The following NXN variants were observed in gnomAD, a reference collection of about 807,000 sequenced individuals.
NXN encodes nucleoredoxin 1.
NXN carries 16 observed loss-of-function variants against 48.6 expected under a neutral mutation model. The ratio of observed to expected loss-of-function variants is 0.33; its 90% CI spans 0.22 to 0.50. The LOEUF is 0.50. NXN is among the 20% of genes least tolerant of loss of function. NXN has a pLI of 0.98. For missense variants in NXN, 492 were observed against 605.5 expected (o/e 0.81, Z 1.97); for synonymous variants, 281 against 269.6 (o/e 1.04, Z -0.41).
chr17:969,145 C>G (rs1194087922), intron 1 of NXN, among the ~76,000 whole-genome samples: 1 of 152,136 alleles, frequency 6.6e-6, no homozygotes, highest in African/African-American at 2.4e-5. Context: ...ACCGAAGCGC[C>G]TGGTAAACAT....
At chr17:854,915 C>T (rs1180728952) in intron 1 of NXN, among the ~76,000 whole-genome samples, 2 of 151,736 alleles carry the variant, frequency 1.3e-5, no homozygotes, top group African/African-American at 4.8e-5. Flanking sequence ...GCCAAGATCA[C>T]ACTACTGCAC....
chr17:910,312 T>C (rs2068623427), intron 1 of NXN, among the ~76,000 whole-genome samples: 1 of 151,560 alleles, frequency 6.6e-6, no homozygotes, highest in South Asian at 2.1e-4. Context: ...CTCAGAAGGC[T>C]GAGGGAGGAG....
chr17:917,161 CTT>C lies in NXN; in HGVS notation c.360+62156_360+62157del, dbSNP rs397961779. 6.9e-6 allele frequency among the ~76,000 whole-genome samples: 1 copy of C among 145,288 alleles called. No individual in the cohort carries two copies. The highest frequency in any genetic ancestry group is 1.5e-5 in the Non-Finnish European group (1 of 65,772). ...AGGTGTTCCACGCCTGAGCTCACATCTTTTTTTTTTTTTTCTGTAGCCCAGGC... is the reference window on the plus strand; with the variant it reads ...AGGTGTTCCACGCCTGAGCTCACATCTTTTTTTTTTTTCTGTAGCCCAGGC... On this transcript the variant is annotated intron_variant, in intron 1 of 7. Transcript: ENST00000336868. This position sits in a 1 kb window ranked among gnomAD's most constrained non-coding sequence, Gnocchi z 4.5.
intron 1 of NXN, among the ~76,000 whole-genome samples, chr17:871,399 CTT>C (rs11345310): frequency 0.073 from 7,379 of 101,120 alleles, 149 homozygotes; most frequent in South Asian, 0.19. Context: ...TACGCATTCA[CTT>C]TTTTTTTTTT....
chr17:853,885 C>T (rs919778533), intron 1 of NXN, among the ~76,000 whole-genome samples: 1 of 151,672 alleles, frequency 6.6e-6, no homozygotes, highest in African/African-American at 2.4e-5. Flanking sequence ...CACCACACGG[C>T]TAAGTTTTGC....
At chr17:885,229 C>T (rs1386364912) in intron 1 of NXN, among the ~76,000 whole-genome samples, 2 of 152,202 alleles carry the variant, frequency 1.3e-5, no homozygotes, top group South Asian at 2.1e-4. Flanking sequence ...TTTGGGAGGC[C>T]GAGACGGGCG....
At chr17:974,316 A>C (rs549938052) in intron 1 of NXN, among the ~76,000 whole-genome samples, 2 of 151,956 alleles carry the variant, frequency 1.3e-5, no homozygotes, top group East Asian at 3.9e-4. Flanking sequence ...GCACCACTGC[A>C]CTCCAGCCTG....
chr17:966,662 T>C (rs2069308256), intron 1 of NXN, among the ~76,000 whole-genome samples: 1 of 151,978 alleles, frequency 6.6e-6, no homozygotes. Context: ...TCGCATATTT[T>C]ATGTGTGGCC....
At chr17:823,851 T>G (rs1912950232) in intron 2 of NXN, 86 bp from the exon 3 acceptor site, 6 of 1,432,060 alleles carry the variant, frequency 4.2e-6, no homozygotes, top group South Asian at 2.5e-5. Flanking sequence ...GTTAAGACTC[T>G]TCTTGATGAC....
chr17:946,228 C>CG (rs199586066), intron 1 of NXN, among the ~76,000 whole-genome samples: 761 of 41,116 alleles, frequency 0.019, 17 homozygotes, highest in Middle Eastern at 0.05. Context: ...CTCCGCCTCC[C>CG]GGGGATCCCT....
intron 1 of NXN, among the ~76,000 whole-genome samples, chr17:829,106 G>C (rs953772906): frequency 6.6e-6 from 1 of 151,240 alleles, no homozygotes; most frequent in Non-Finnish European, 1.5e-5. Flanking sequence ...GTTCGCTAGG[G>C]GGAAAAAATG....
chr17:840,907 C>T (rs924555816), intron 1 of NXN, among the ~76,000 whole-genome samples: 3 of 152,202 alleles, frequency 2.0e-5, no homozygotes, highest in African/African-American at 7.2e-5. Flanking sequence ...CAACCACTGC[C>T]CCCACAAGCC....
At chr17:906,122 A>G (rs541514441) in intron 1 of NXN, among the ~76,000 whole-genome samples, 1 of 152,338 alleles carries the variant, frequency 6.6e-6, no homozygotes, top group African/African-American at 2.4e-5. Flanking sequence ...CTTTCATCGT[A>G]TCTGGGTCTC....
At chr17:934,133 G>A (rs2068881101) in intron 1 of NXN, among the ~76,000 whole-genome samples, 1 of 152,076 alleles carries the variant, frequency 6.6e-6, no homozygotes, top group South Asian at 2.1e-4. Context: ...CAGGCGCCGT[G>A]GCTCACGTCT....
At chr17:866,061 G>A (rs1047796613) in intron 1 of NXN, among the ~76,000 whole-genome samples, 1 of 152,226 alleles carries the variant, frequency 6.6e-6, no homozygotes, top group East Asian at 1.9e-4. Flanking sequence ...AGGAAGGAGT[G>A]AAATATCCAT....
intron 1 of NXN, among the ~76,000 whole-genome samples, chr17:902,666 CCA>C (rs1567855880): frequency 1.3e-5 from 2 of 152,232 alleles, no homozygotes; most frequent in East Asian, 3.9e-4. Flanking sequence ...AGAACAAGCA[CCA>C]CGACAGCCCC....
chr17:808,676 G>GTTTTTT lies in NXN; in HGVS notation c.821-3435_821-3430dup, dbSNP rs5818768. On this transcript the variant is annotated intron_variant, in intron 5 of 7. Transcript: ENST00000336868. Reference sequence around the variant, plus strand: ...AAGTATTGGCTATTATTATAAACCAGTTTTTTTTTTTTTTTTGAGACAGAG... The same window carrying GTTTTTT: ...AAGTATTGGCTATTATTATAAACCAGTTTTTTTTTTTTTTTTTTTTTTGAGACAGAG... Among the ~76,000 whole-genome samples the GTTTTTT allele has an allele frequency of 1.0e-3, 134 of 128,962 alleles. 10 individuals carry two copies. Among genetic ancestry groups the GTTTTTT allele is most frequent in the East Asian group, 2.6e-3 (11 of 4,164 alleles). 84.6% of individuals were successfully genotyped at this position (128,962 alleles called of 152,430 possible).
intron 3 of NXN, 128 bp from the exon 4 acceptor site, chr17:822,585 G>A: frequency 1.5e-6 from 1 of 651,018 alleles, no homozygotes; most frequent in Non-Finnish European, 2.8e-6. Flanking sequence ...CATGAAAGGG[G>A]TGGAAATGAG....
chr17:833,223 G>A (rs920817794), intron 1 of NXN, among the ~76,000 whole-genome samples: 2 of 152,216 alleles, frequency 1.3e-5, no homozygotes, highest in East Asian at 3.9e-4. Context: ...CAAAGCCATC[G>A]TGGTCTAATT....
Sources: allele counts gnomAD v4.1 joint callset (sites outside exome capture counted in the v4.1 genomes callset), GRCh38; gene constraint gnomAD v4.1.1; non-coding constraint Gnocchi (gnomAD v3.1); transcripts MANE v1.5; gene names NCBI Gene and HGNC (gene_info 2026-07-23, HGNC 2026-07-21).